The following CARMIL1 variants were observed in gnomAD, a reference collection of about 807,000 sequenced individuals.
CARMIL1 encodes capping protein regulator and myosin 1 linker 1.
CARMIL1 carries 90 observed loss-of-function variants against 177.1 expected under a neutral mutation model. The observed-to-expected ratio is 0.51, with a 90% confidence interval of 0.43 to 0.61. The LOEUF (loss-of-function observed/expected upper bound fraction) is 0.61, where lower values mean the gene tolerates loss of function less well. Among genes scored for constraint, CARMIL1 ranks in the 20% least tolerant of loss-of-function variants. The probability of loss-of-function intolerance (pLI) is 0.00; values close to 1 mark genes in which losing one functional copy is unlikely to be tolerated. For synonymous variants in CARMIL1, 577 were observed against 606.2 expected (o/e 0.95, Z 0.71); for missense variants, 1,380 against 1,667.0 (o/e 0.83, Z 3.00).
intron 1 of CARMIL1, among the ~76,000 whole-genome samples, chr6:25,283,238 C>A (rs1042430833): frequency 3.3e-5 from 5 of 152,090 alleles, no homozygotes; most frequent in African/African-American, 9.7e-5. Context: ...TGGGTTTATT[C>A]AAAAATGACT....
chr6:25,318,914 C>G (rs1192274736), intron 2 of CARMIL1, among the ~76,000 whole-genome samples: 3 of 152,144 alleles, frequency 2.0e-5, no homozygotes, highest in Non-Finnish European at 4.4e-5. Flanking sequence ...TTCTTTGGAC[C>G]TGAAATGGGA....
intron 7 of CARMIL1, 54 bp from the exon 8 acceptor site, chr6:25,450,584 C>G: frequency 8.6e-7 from 1 of 1,165,108 alleles, no homozygotes; most frequent in East Asian, 2.4e-5. Context: ...GTCTCTCTTG[C>G]TTTCCTGGTC....
intron 2 of CARMIL1, among the ~76,000 whole-genome samples, chr6:25,411,026 G>C (rs1277569319): frequency 6.6e-6 from 1 of 152,180 alleles, no homozygotes; most frequent in African/African-American, 2.4e-5. Flanking sequence ...GGCTGGCCCT[G>C]TGTTGGGGAA....
intron 13 of CARMIL1, among the ~76,000 whole-genome samples, chr6:25,490,746 TAAATA>T (rs869261010): frequency 0.017 from 1,440 of 86,664 alleles, 18 homozygotes; most frequent in African/African-American, 0.062. Flanking sequence ...AATAAATAAA[TAAATA>T]AAAAAAAATA....
intron 2 of CARMIL1, among the ~76,000 whole-genome samples, chr6:25,418,906 C>T (rs1213189889): frequency 6.6e-6 from 1 of 152,218 alleles, no homozygotes; most frequent in African/African-American, 2.4e-5. Flanking sequence ...TACTTCTCTT[C>T]TCATCTGTCT....
At chr6:25,385,557 T>C (rs1407660545) in intron 2 of CARMIL1, among the ~76,000 whole-genome samples, 2 of 152,198 alleles carry the variant, frequency 1.3e-5, no homozygotes, top group Admixed American at 1.3e-4. Flanking sequence ...TGGAATTTAT[T>C]TTCACATAGA....
intron 9 of CARMIL1, among the ~76,000 whole-genome samples, chr6:25,468,201 T>A (rs429961): frequency 0.16 from 24,273 of 149,506 alleles, 2,050 homozygotes; most frequent in Non-Finnish European, 0.19. Context: ...CAAGGATTTT[T>A]AAAAAAAAAA....
chr6:25,466,970 A>T (rs1307853966), intron 9 of CARMIL1, among the ~76,000 whole-genome samples: 2 of 152,178 alleles, frequency 1.3e-5, no homozygotes, highest in African/African-American at 2.4e-5. Flanking sequence ...AGCTTCCTGC[A>T]CACCTGTTAT....
intron 5 of CARMIL1, among the ~76,000 whole-genome samples, chr6:25,441,316 CAA>C (rs1325770843): frequency 3.8e-5 from 2 of 52,832 alleles, no homozygotes; most frequent in Non-Finnish European, 7.3e-5. Flanking sequence ...AACAAACAAA[CAA>C]ACATATATAT....
At chr6:25,550,312 T>G (rs1490575701) in intron 26 of CARMIL1, among the ~76,000 whole-genome samples, 10 of 152,210 alleles carry the variant, frequency 6.6e-5, no homozygotes, top group Admixed American at 6.5e-4. Context: ...GCTATTAATG[T>G]TTTTGTCTGT....
At chr6:25,303,961 C>A (rs1381221332) in intron 2 of CARMIL1, among the ~76,000 whole-genome samples, 1 of 152,216 alleles carries the variant, frequency 6.6e-6, no homozygotes, top group African/African-American at 2.4e-5. Flanking sequence ...TAAGATTAGT[C>A]TCCTCATTAT....
chr6:25,353,490 A>G (rs1788304625), intron 2 of CARMIL1, among the ~76,000 whole-genome samples: 1 of 152,140 alleles, frequency 6.6e-6, no homozygotes, highest in Non-Finnish European at 1.5e-5. Flanking sequence ...TTCAAACACA[A>G]GTTCTACCTC....
chr6:25,389,773 T>C (rs139409776), intron 2 of CARMIL1, among the ~76,000 whole-genome samples: 2 of 152,150 alleles, frequency 1.3e-5, no homozygotes, highest in Non-Finnish European at 2.9e-5. Flanking sequence ...TCTGTATGTG[T>C]AGGACTCATG....
At chr6:25,516,676 G>GA (rs1326807843) in intron 21 of CARMIL1, among the ~76,000 whole-genome samples, 1 of 152,212 alleles carries the variant, frequency 6.6e-6, no homozygotes, top group Non-Finnish European at 1.5e-5. Context: ...GTGTCAGGGT[G>GA]AACTGACAAA....
intron 2 of CARMIL1, among the ~76,000 whole-genome samples, chr6:25,376,994 T>G (rs369494714): frequency 6.6e-6 from 1 of 152,224 alleles, no homozygotes; most frequent in Non-Finnish European, 1.5e-5. Flanking sequence ...CCAGCTATTC[T>G]GATCAGGCAC....
intron 4 of CARMIL1, among the ~76,000 whole-genome samples, chr6:25,431,132 A>C (rs1195338120): frequency 6.6e-6 from 1 of 152,152 alleles, no homozygotes; most frequent in East Asian, 1.9e-4. Context: ...GTCATTTAAC[A>C]ACTTTCTTTT....
chr6:25,479,242 G>A (rs368861622), intron 11 of CARMIL1: 41 of 518,782 alleles, frequency 7.9e-5, no homozygotes, highest in Admixed American at 1.4e-4. Flanking sequence ...CTCTCATGAT[G>A]GATGAGCTTT....
rs1794164349 is a variant in CARMIL1, at chr6:25,404,363, CAGGG to C, written c.139-15750_139-15747del. 2.6e-5 allele frequency among the ~76,000 whole-genome samples: 4 copies of C among 152,348 alleles called. No individual in the cohort carries two copies. The South Asian group carries it at 6.2e-4, about 24-fold the overall frequency. On this transcript the variant is annotated intron_variant, in intron 2 of 36. Transcript: ENST00000329474. ...AGAAGGGATCTTATGGGTTTTGCAGCAGGGCTGCTTTGGGTATATGTTTGTTTGA... is the reference window on the plus strand; with the variant it reads ...AGAAGGGATCTTATGGGTTTTGCAGCCTGCTTTGGGTATATGTTTGTTTGA...
intron 2 of CARMIL1, among the ~76,000 whole-genome samples, chr6:25,367,014 C>T (rs1488349096): frequency 6.6e-6 from 1 of 152,160 alleles, no homozygotes; most frequent in East Asian, 1.9e-4. Flanking sequence ...ACCACCTGTG[C>T]AGTTACTCAT....
Sources: gnomAD v4.1 joint callset for allele counts (sites outside exome capture counted in the v4.1 genomes callset) on GRCh38, gnomAD v4.1.1 for gene constraint, MANE v1.5 for transcripts, NCBI Gene and HGNC (gene_info 2026-07-23, HGNC 2026-07-21) for gene names.